RARS2: variants seen among roughly 807,000 people sequenced by gnomAD.
The protein encoded by RARS2 is probable arginine--tRNA ligase, mitochondrial.
RARS2 carries 67 observed loss-of-function variants against 88.5 expected under a neutral mutation model. That is an observed-to-expected ratio of 0.76 (90% confidence interval 0.62 to 0.93). The LOEUF is 0.93. RARS2 is among the 40% of genes least tolerant of loss of function. The pLI is 0.00. For synonymous variants in RARS2, 239 were observed against 230.3 expected, an observed-to-expected ratio of 1.04 and a Z score of -0.34; for missense variants, 664 against 684.2, an observed-to-expected ratio of 0.97 and a Z score of 0.33.
intron 1 of RARS2, among the ~76,000 whole-genome samples, chr6:87,585,645 T>A (rs975556391): frequency 6.6e-6 from 1 of 152,024 alleles, no homozygotes; most frequent in Non-Finnish European, 1.5e-5. Flanking sequence ...GGTGGGAGAA[T>A]GGCGTGAACC....
intron 8 of RARS2, among the ~76,000 whole-genome samples, chr6:87,533,083 C>A (rs949814522): frequency 5.9e-5 from 9 of 151,956 alleles, no homozygotes; most frequent in Admixed American, 5.2e-4. Context: ...TCTTTATTTT[C>A]ACAAAAGAGT....
At chr6:87,518,308 T>C (rs369728715) in intron 16 of RARS2, 44 bp from the exon 17 acceptor site, 13 of 1,613,280 alleles carry the variant, frequency 8.1e-6, no homozygotes, top group Middle Eastern at 1.6e-4. Context: ...GATTAAAAAG[T>C]CATACAAGGG....
At chr6:87,551,284 T>G (rs557659293) in intron 5 of RARS2, among the ~76,000 whole-genome samples, 2 of 152,280 alleles carry the variant, frequency 1.3e-5, no homozygotes, top group Admixed American at 6.5e-5. Flanking sequence ...GGACTTTTGT[T>G]AAATTACTTC....
At chr6:87,524,777 T>G in intron 10 of RARS2, 125 bp from the exon 11 acceptor site, 1 of 709,712 alleles carries the variant, frequency 1.4e-6, no homozygotes, top group Non-Finnish European at 2.5e-6. Flanking sequence ...GCAGTGCCAA[T>G]TCAAGCTTTA....
At position 87,519,814 on chromosome 6, in the gene RARS2, T is replaced by G. The variant is rs1773258971; in HGVS notation, c.1113-107A>C. 3 of 1,322,456 alleles carry G rather than the reference T, an allele frequency of 2.3e-6. No homozygotes were observed. In the East Asian group the frequency reaches 7.0e-5, roughly 31 times the overall value. The allele number at this position is 1,322,456 out of a possible 1,614,324, so 81.9% of individuals were successfully genotyped here. A position where few individuals can be genotyped will look rare whatever the true frequency, so the allele number is the denominator to read the frequency against. The stretch of plus-strand genomic sequence containing the variant: ...TGAACTTTAACCATCAGAGCAGAGT[T>G]TTTAAAAATTAATAAAATGAAATTG... On this transcript the variant is annotated intron_variant, in intron 13 of 19. Transcript: ENST00000369536.
At chr6:87,569,685 T>A (rs1274556674) in intron 1 of RARS2, 95 bp from the exon 2 acceptor site, 3 of 947,164 alleles carry the variant, frequency 3.2e-6, no homozygotes, top group African/African-American at 1.6e-5. Context: ...TTAATACACT[T>A]AACACGAATG....
intron 4 of RARS2, among the ~76,000 whole-genome samples, chr6:87,556,912 A>T (rs1286407714): frequency 6.6e-6 from 1 of 151,472 alleles, no homozygotes; most frequent in African/African-American, 2.4e-5. Flanking sequence ...TTAGCCTCCT[A>T]AAGTGCTGGG....
At chr6:87,578,958 CAAAA>C (rs72383675) in intron 1 of RARS2, among the ~76,000 whole-genome samples, 57 of 41,884 alleles carry the variant, frequency 1.4e-3, no homozygotes, top group African/African-American at 5.3e-3. Context: ...GAGACTGTCT[CAAAA>C]AAAAAAAAAA....
At chr6:87,519,831 A>G in intron 13 of RARS2, 124 bp from the exon 14 acceptor site, 3 of 1,124,136 alleles carry the variant, frequency 2.7e-6, no homozygotes, top group Non-Finnish European at 4.0e-6. Flanking sequence ...AATTAATAAA[A>G]TGAAATTGAT....
intron 1 of RARS2, among the ~76,000 whole-genome samples, chr6:87,578,114 C>G (rs1034937707): frequency 1.2e-4 from 18 of 148,866 alleles, no homozygotes; most frequent in Admixed American, 1.0e-3. Context: ...GAGACCCCCC[C>G]CCCCGCCATC....
At chr6:87,587,185 C>T (rs1358921215) in intron 1 of RARS2, among the ~76,000 whole-genome samples, 1 of 152,072 alleles carries the variant, frequency 6.6e-6, no homozygotes, top group Non-Finnish European at 1.5e-5. Flanking sequence ...ATACCCAGCT[C>T]CTAATCTGAA....
intron 1 of RARS2, among the ~76,000 whole-genome samples, chr6:87,585,596 G>T (rs933921303): frequency 1.3e-5 from 2 of 152,114 alleles, no homozygotes; most frequent in African/African-American, 4.8e-5. Context: ...GCCGGGTGTG[G>T]TGGCGGGCAC....
intron 2 of RARS2, among the ~76,000 whole-genome samples, chr6:87,566,427 T>A (rs1351045587): frequency 6.6e-6 from 1 of 152,226 alleles, no homozygotes; most frequent in East Asian, 1.9e-4. Flanking sequence ...CTTCTGTATT[T>A]TCCTGAATTT....
chr6:87,578,094 G>A (rs1360502280), intron 1 of RARS2, among the ~76,000 whole-genome samples: 1 of 149,838 alleles, frequency 6.7e-6, no homozygotes, highest in African/African-American at 2.5e-5. Context: ...CCAGCCTGGG[G>A]CAACATAGCG....
chr6:87,551,897 T>C lies in RARS2; in HGVS notation c.396-3251A>G, dbSNP rs964205849. 6.6e-5 allele frequency among the ~76,000 whole-genome samples: 10 copies of C among 152,260 alleles called. No individual in the cohort carries two copies. In the East Asian group the frequency reaches 9.7e-4, roughly 15 times the overall value. ...CTTCCCATGATCTTACAGAGCTGAT[T>C]TGTACAAAATAGGAGAGGCTGACTA... On this transcript the variant is annotated intron_variant, in intron 5 of 19. Transcript: ENST00000369536.
intron 7 of RARS2, among the ~76,000 whole-genome samples, chr6:87,543,218 G>A (rs1285194901): frequency 2.6e-5 from 4 of 151,862 alleles, no homozygotes; most frequent in South Asian, 2.1e-4. Context: ...CAGGAGAATC[G>A]CTTGAACCTG....
intron 1 of RARS2, among the ~76,000 whole-genome samples, chr6:87,574,298 T>C (rs1770721415): frequency 1.3e-5 from 2 of 152,122 alleles, no homozygotes; most frequent in Admixed American, 1.3e-4. Flanking sequence ...TTTGCAAAAA[T>C]TTAATATACC....
intron 6 of RARS2, among the ~76,000 whole-genome samples, chr6:87,547,400 G>A (rs1483901385): frequency 6.6e-6 from 1 of 152,192 alleles, no homozygotes; most frequent in Non-Finnish European, 1.5e-5. Flanking sequence ...AAGTATTGAA[G>A]TACAGGTTAA....
intron 1 of RARS2, among the ~76,000 whole-genome samples, chr6:87,584,975 C>T (rs1212715496): frequency 6.6e-6 from 1 of 152,074 alleles, no homozygotes; most frequent in Non-Finnish European, 1.5e-5. Flanking sequence ...TCCTTAAGTA[C>T]TATAAACAGT....
Sources: allele counts gnomAD v4.1 joint callset (sites outside exome capture counted in the v4.1 genomes callset), GRCh38; gene constraint gnomAD v4.1.1; transcripts MANE v1.5; gene names NCBI Gene and HGNC (gene_info 2026-07-23, HGNC 2026-07-21).